The following GALNT18 variants were observed in gnomAD, a reference collection of about 807,000 sequenced individuals.
The protein encoded by GALNT18 is GalNAc-transferase 18.
GALNT18 carries 44 observed loss-of-function variants against 69.5 expected under a neutral mutation model. The ratio of observed to expected loss-of-function variants is 0.63; its 90% CI spans 0.50 to 0.81. GALNT18 has a LOEUF of 0.81. Among genes scored for constraint, GALNT18 ranks in the 40% least tolerant of loss-of-function variants. GALNT18 has a pLI of 0.00. For missense variants in GALNT18, 715 were observed against 810.0 expected (o/e 0.88, Z 1.42); for synonymous variants, 364 against 318.2 (o/e 1.14, Z -1.53).
chr11:11,552,581 C>T (rs1361803289), intron 1 of GALNT18, among the ~76,000 whole-genome samples: 1 of 143,552 alleles, frequency 7.0e-6, no homozygotes, highest in African/African-American at 2.5e-5. Context: ...AGTTACTTAA[C>T]CTCAGCCTCA....
At chr11:11,516,262 C>G (rs1443695112) in intron 1 of GALNT18, among the ~76,000 whole-genome samples, 1 of 152,170 alleles carries the variant, frequency 6.6e-6, no homozygotes, top group African/African-American at 2.4e-5. Context: ...AGGAATTTCT[C>G]CCAAATAGCC....
intron 1 of GALNT18, among the ~76,000 whole-genome samples, chr11:11,526,281 T>C (rs1429547167): frequency 6.6e-6 from 1 of 152,124 alleles, no homozygotes; most frequent in African/African-American, 2.4e-5. Context: ...CGGCCATGGA[T>C]CAAACATTTC....
At chr11:11,536,084 T>G (rs371350495) in intron 1 of GALNT18, among the ~76,000 whole-genome samples, 2 of 152,194 alleles carry the variant, frequency 1.3e-5, no homozygotes, top group African/African-American at 4.8e-5. Context: ...AGGTTCTCTC[T>G]CCAGCTATTC....
intron 3 of GALNT18, among the ~76,000 whole-genome samples, chr11:11,391,725 G>T (rs1854194749): frequency 6.6e-6 from 1 of 152,224 alleles, no homozygotes; most frequent in South Asian, 2.1e-4. Flanking sequence ...AGCAGTCATT[G>T]GTTAAGGACT....
chr11:11,499,270 T>A (rs1856927572), intron 1 of GALNT18, among the ~76,000 whole-genome samples: 1 of 152,234 alleles, frequency 6.6e-6, no homozygotes. Flanking sequence ...AGTATTTCCA[T>A]CAGCTGGCAG....
In GALNT18 at chr11:11,312,160, G is replaced by A. The variant is rs149832196; in HGVS notation, c.1512+14926C>T. Among the ~76,000 whole-genome samples, 271 of 150,858 alleles carry A rather than the reference G, an allele frequency of 1.8e-3. 3 individuals are homozygous for A. The highest frequency in any genetic ancestry group is 6.3e-3 in the African/African-American group (258 of 41,056). On this transcript the variant is annotated intron_variant, in intron 9 of 10. Transcript: ENST00000227756. ...TTTAGTAGAGACGGGGTCTCACTGT[G>A]TTAGCCAGAATGGTCTCCTGACTTC...
Position 11,621,223 on chromosome 11 carries a change from C to T in GALNT18, c.235+136G>A. 1.5e-6 allele frequency: 1 copy of T among 686,770 alleles called. No homozygotes were observed. The highest frequency in any genetic ancestry group is 2.5e-6 in the Non-Finnish European group (1 of 401,970). The allele number at this position is 686,770 out of a possible 1,614,324, so 42.5% of individuals were successfully genotyped here. On this transcript the variant is annotated intron_variant, in intron 1 of 10. Coordinates refer to ENST00000227756, the MANE Select transcript of GALNT18 (RefSeq NM_198516.3). The surrounding 1 kb of genome is among the most constrained non-coding windows in gnomAD (Gnocchi z 9.3). ...ACGCAGGCAGGAGCTCACACGCAGGCCCCACGACTACCACGCATCTGCGGC... is the reference window on the plus strand; with the variant it reads ...ACGCAGGCAGGAGCTCACACGCAGGTCCCACGACTACCACGCATCTGCGGC...
intron 1 of GALNT18, among the ~76,000 whole-genome samples, chr11:11,599,315 C>A (rs1421625543): frequency 6.6e-6 from 1 of 152,006 alleles, no homozygotes; most frequent in Non-Finnish European, 1.5e-5. Flanking sequence ...CTATATCCTC[C>A]TTATGGATTG....
At position 11,314,957 on chromosome 11, in the gene GALNT18, G is replaced by C. The variant is rs1849726457; in HGVS notation, c.1512+12129C>G. 6.6e-6 allele frequency among the ~76,000 whole-genome samples: 1 copy of C among 152,098 alleles called. No homozygotes were observed. Among genetic ancestry groups the C allele is most frequent in the Non-Finnish European group, 1.5e-5 (1 of 68,018 alleles). On this transcript the variant is annotated intron_variant, in intron 9 of 10. Coordinates refer to ENST00000227756, the MANE Select transcript of GALNT18 (RefSeq NM_198516.3). The surrounding 1 kb of genome is among the most constrained non-coding windows in gnomAD (Gnocchi z 5.2). Reference sequence around the variant, plus strand: ...TCTTTACATGTTTGAGCCAAATGAGGATAAGCTGGCAAGGTGGTTTTAAGA... The same window carrying C: ...TCTTTACATGTTTGAGCCAAATGAGCATAAGCTGGCAAGGTGGTTTTAAGA...
rs1859124906 is a variant in GALNT18, at chr11:11,583,082, C to T, written c.235+38277G>A. Among the ~76,000 whole-genome samples, 1 of 152,210 alleles carries T rather than the reference C, an allele frequency of 6.6e-6. No individual in the cohort carries two copies. Among genetic ancestry groups the T allele is most frequent in the African/African-American group, 2.4e-5 (1 of 41,446 alleles). Reference sequence around the variant, plus strand: ...CGTTCATGTGCTCTTCCATAAAAACCAGGAGGGCCAGCAAAGCCTGGTGCT... The same window carrying T: ...CGTTCATGTGCTCTTCCATAAAAACTAGGAGGGCCAGCAAAGCCTGGTGCT... On this transcript the variant is annotated intron_variant, in intron 1 of 10. Transcript: ENST00000227756. The surrounding 1 kb of genome is among the most constrained non-coding windows in gnomAD (Gnocchi z 4.7).
At chr11:11,483,210 GTCC>G (rs1856571073) in intron 1 of GALNT18, among the ~76,000 whole-genome samples, 1 of 152,096 alleles carries the variant, frequency 6.6e-6, no homozygotes, top group Non-Finnish European at 1.5e-5. Flanking sequence ...TGCCTAGACT[GTCC>G]TCCTTTGCCA....
At chr11:11,284,440 G>A (rs1251826779) in intron 10 of GALNT18, among the ~76,000 whole-genome samples, 2 of 152,168 alleles carry the variant, frequency 1.3e-5, no homozygotes, top group Non-Finnish European at 2.9e-5. Context: ...TTTCATTGGT[G>A]GTGGTGGTGG....
intron 1 of GALNT18, among the ~76,000 whole-genome samples, chr11:11,451,043 G>T (rs184680476): frequency 1.3e-5 from 2 of 151,980 alleles, no homozygotes; most frequent in Non-Finnish European, 2.9e-5. Context: ...AAGCAAAGTC[G>T]GAAAATTTAA....
chr11:11,611,227 C>G (rs1435578389), intron 1 of GALNT18, among the ~76,000 whole-genome samples: 1 of 152,214 alleles, frequency 6.6e-6, no homozygotes, highest in Non-Finnish European at 1.5e-5. Context: ...GGCAAATAAA[C>G]AGCTGCTGAT....
intron 1 of GALNT18, among the ~76,000 whole-genome samples, chr11:11,450,882 C>G (rs1228808535): frequency 1.3e-5 from 2 of 152,196 alleles, no homozygotes; most frequent in Non-Finnish European, 1.5e-5. Context: ...AGTGCAGTAG[C>G]TGGATTTCAG....
At position 11,296,912 on chromosome 11, in the gene GALNT18, G is replaced by A. The variant is rs2133011140; in HGVS notation, c.1513-3719C>T. Among the ~76,000 whole-genome samples, 3 of 152,314 alleles carry A rather than the reference G, an allele frequency of 2.0e-5. No homozygotes were observed. The Middle Eastern group carries it at 0.01, about 518-fold the overall frequency. On this transcript the variant is annotated intron_variant, in intron 9 of 10. Transcript: ENST00000227756. ...GCCTAGCGGATTAAATAAACAAATT[G>A]CTCGAACACAAAAAAGGTGTTCAAG...
At chr11:11,457,750 CT>C (rs1329866080) in intron 1 of GALNT18, among the ~76,000 whole-genome samples, 7 of 151,388 alleles carry the variant, frequency 4.6e-5, no homozygotes, top group Admixed American at 3.9e-4. Flanking sequence ...CTTCTTGTTT[CT>C]TGTGGTTTAC....
At chr11:11,570,828 G>C (rs956462102) in intron 1 of GALNT18, among the ~76,000 whole-genome samples, 2 of 152,184 alleles carry the variant, frequency 1.3e-5, no homozygotes, top group African/African-American at 4.8e-5. Flanking sequence ...GCACACTGTT[G>C]AACAATGGAA....
At chr11:11,466,514 T>G (rs1435191734) in intron 1 of GALNT18, among the ~76,000 whole-genome samples, 1 of 152,210 alleles carries the variant, frequency 6.6e-6, no homozygotes, top group African/African-American at 2.4e-5. Context: ...CAAAAGAGTC[T>G]GTGGAGCCCC....
Sources: allele counts gnomAD v4.1 joint callset (sites outside exome capture counted in the v4.1 genomes callset), GRCh38; gene constraint gnomAD v4.1.1; non-coding constraint Gnocchi (gnomAD v3.1); transcripts MANE v1.5; gene names NCBI Gene and HGNC (gene_info 2026-07-23, HGNC 2026-07-21).